The following CAMKMT variants were observed in gnomAD, a reference collection of about 807,000 sequenced individuals.
CAMKMT encodes the protein calmodulin-lysine N-methyltransferase, also known as CaM KMT.
Under a neutral mutation model 48.0 loss-of-function variants are expected in CAMKMT, and 53 were observed. The observed-to-expected ratio is 1.10, with a 90% CI of 0.89 to 1.39. The LOEUF (loss-of-function observed/expected upper bound fraction) is 1.39, where lower values mean the gene tolerates loss of function less well. CAMKMT is among the 40% of genes most tolerant of loss of function. The pLI, the probability that CAMKMT is intolerant of heterozygous loss-of-function variation, is 0.00. For synonymous variants in CAMKMT, 165 were observed against 152.3 expected (o/e 1.08, Z -0.61); for missense variants, 428 against 402.7 (o/e 1.06, Z -0.54).
intron 3 of CAMKMT, among the ~76,000 whole-genome samples, chr2:44,493,893 A>G (rs1413591703): frequency 6.6e-6 from 1 of 152,122 alleles, no homozygotes; most frequent in Admixed American, 6.5e-5. Context: ...ACCCTAATTT[A>G]TTTTTACTCT....
chr2:44,715,192 CA>C (rs35173334), intron 6 of CAMKMT, 94 bp from the exon 7 acceptor site: 84,060 of 423,452 alleles, frequency 0.2, 1,053 homozygotes, highest in Non-Finnish European at 0.2. Flanking sequence ...GACCCTGTCT[CA>C]AAAAAAAAAA....
intron 3 of CAMKMT, among the ~76,000 whole-genome samples, chr2:44,487,240 A>G (rs1669257981): frequency 6.6e-6 from 1 of 152,330 alleles, no homozygotes; most frequent in South Asian, 2.1e-4. Flanking sequence ...TTACTTTATA[A>G]AAATGTGAAA....
At chr2:44,572,911 A>G (rs1192037091) in intron 3 of CAMKMT, among the ~76,000 whole-genome samples, 2 of 152,216 alleles carry the variant, frequency 1.3e-5, no homozygotes, top group East Asian at 3.8e-4. Flanking sequence ...GCAGAGCACA[A>G]GGGTTCCAAT....
At chr2:44,585,768 G>T (rs181306069) in intron 3 of CAMKMT, among the ~76,000 whole-genome samples, 1 of 152,184 alleles carries the variant, frequency 6.6e-6, no homozygotes, top group Non-Finnish European at 1.5e-5. Flanking sequence ...GATGGGAACA[G>T]CTAGGCCATA....
intron 3 of CAMKMT, among the ~76,000 whole-genome samples, chr2:44,440,578 A>C (rs1666589514): frequency 6.6e-6 from 1 of 152,164 alleles, no homozygotes; most frequent in Non-Finnish European, 1.5e-5. Flanking sequence ...ATTATGATAA[A>C]ATTTAATTTA....
intron 3 of CAMKMT, among the ~76,000 whole-genome samples, chr2:44,534,859 GA>G (rs1558684369): frequency 6.6e-6 from 1 of 151,748 alleles, no homozygotes; most frequent in Non-Finnish European, 1.5e-5. Context: ...TTACTAAAAG[GA>G]AAGAAACAAT....
chr2:44,668,854 T>C (rs965367020), intron 3 of CAMKMT, among the ~76,000 whole-genome samples: 8 of 152,116 alleles, frequency 5.3e-5, no homozygotes, highest in Non-Finnish European at 8.8e-5. Flanking sequence ...CAGTCTTGGC[T>C]CACTACAACC....
At chr2:44,415,715 C>A (rs915008315) in intron 3 of CAMKMT, among the ~76,000 whole-genome samples, 1 of 152,114 alleles carries the variant, frequency 6.6e-6, no homozygotes, top group African/African-American at 2.4e-5. Flanking sequence ...AACAATGATT[C>A]CACATTTCTT....
intron 3 of CAMKMT, among the ~76,000 whole-genome samples, chr2:44,433,795 G>A (rs1001047701): frequency 1.3e-5 from 2 of 152,140 alleles, no homozygotes; most frequent in African/African-American, 4.8e-5. Flanking sequence ...AGTTATCAAT[G>A]TTTATTCAAA....
intron 7 of CAMKMT, among the ~76,000 whole-genome samples, chr2:44,730,420 T>C (rs773086900): frequency 6.6e-6 from 1 of 152,242 alleles, no homozygotes; most frequent in African/African-American, 2.4e-5. Context: ...GTCTTCCGAA[T>C]ATGACTGTAT....
chr2:44,428,975 T>C (rs1016553928), intron 3 of CAMKMT, among the ~76,000 whole-genome samples: 1 of 152,190 alleles, frequency 6.6e-6, no homozygotes, highest in Non-Finnish European at 1.5e-5. Context: ...CTCCATGCAT[T>C]TGGGGGCTTT....
chr2:44,666,582 G>A (rs1235196366), intron 3 of CAMKMT, among the ~76,000 whole-genome samples: 5 of 148,580 alleles, frequency 3.4e-5, no homozygotes, highest in Admixed American at 2.7e-4. Flanking sequence ...AACTGAACTT[G>A]TATTTTGATC....
intron 3 of CAMKMT, among the ~76,000 whole-genome samples, chr2:44,459,033 GT>G (rs1667719353): frequency 6.6e-6 from 1 of 151,636 alleles, no homozygotes; most frequent in Admixed American, 6.6e-5. Context: ...AACTTTTTGA[GT>G]TTTAGGTACA....
intron 3 of CAMKMT, among the ~76,000 whole-genome samples, chr2:44,647,399 A>G (rs1673793856): frequency 6.6e-6 from 1 of 152,164 alleles, no homozygotes; most frequent in African/African-American, 2.4e-5. Flanking sequence ...TGGACTGAAT[A>G]ATGAAGTGCA....
intron 3 of CAMKMT, among the ~76,000 whole-genome samples, chr2:44,559,398 G>T (rs1257017950): frequency 6.6e-6 from 1 of 152,178 alleles, no homozygotes; most frequent in African/African-American, 2.4e-5. Flanking sequence ...AAGAGCCTAT[G>T]TGTTCCTCTC....
intron 3 of CAMKMT, among the ~76,000 whole-genome samples, chr2:44,614,100 A>G (rs188330148): frequency 2.9e-4 from 44 of 152,320 alleles, no homozygotes; most frequent in African/African-American, 9.4e-4. Flanking sequence ...CTCCTTTTCA[A>G]TTAAAATAAT....
At chr2:44,638,633 A>G (rs561609775) in intron 3 of CAMKMT, among the ~76,000 whole-genome samples, 2 of 152,350 alleles carry the variant, frequency 1.3e-5, no homozygotes, top group South Asian at 2.1e-4. Context: ...AGGGTGCAAC[A>G]TAATTTGTGA....
intron 3 of CAMKMT, among the ~76,000 whole-genome samples, chr2:44,495,793 T>C (rs775592550): frequency 1.3e-5 from 2 of 152,204 alleles, no homozygotes; most frequent in Non-Finnish European, 2.9e-5. Flanking sequence ...TTGTTCCACA[T>C]TATGAGCCCA....
chr2:44,489,074 C>A (rs1361112284), intron 3 of CAMKMT, among the ~76,000 whole-genome samples: 1 of 151,862 alleles, frequency 6.6e-6, no homozygotes, highest in Admixed American at 6.6e-5. Context: ...GCCATGTTGT[C>A]CAGGCTGGTT....
Sources: allele counts gnomAD v4.1 joint callset (sites outside exome capture counted in the v4.1 genomes callset), GRCh38; gene constraint gnomAD v4.1.1; transcripts MANE v1.5; gene names NCBI Gene and HGNC (gene_info 2026-07-23, HGNC 2026-07-21).